Variants in RABEP1 observed in about 807,000 individuals in gnomAD.
RABEP1 encodes rabaptin, RAB GTPase binding effector protein 1, also known as rab GTPase-binding effector protein 1.
RABEP1 carries 51 observed loss-of-function variants against 123.4 expected under a neutral mutation model. The observed-to-expected ratio is 0.41, with a 90% CI of 0.33 to 0.52. The LOEUF (loss-of-function observed/expected upper bound fraction) is 0.52. Ranked by LOEUF, RABEP1 falls within the 20% of genes least tolerant of loss-of-function variation. RABEP1 has a pLI of 0.16. For synonymous variants in RABEP1, 347 were observed against 355.2 expected (o/e 0.98, Z 0.26); for missense variants, 888 against 996.3 (o/e 0.89, Z 1.46).
intron 7 of RABEP1, among the ~76,000 whole-genome samples, chr17:5,351,985 G>A (rs928047981): frequency 2.6e-5 from 4 of 151,890 alleles, no homozygotes; most frequent in African/African-American, 9.7e-5. Flanking sequence ...ATCCTTGACC[G>A]TATTGTGTAT....
At chr17:5,298,154 C>G (rs377650396) in intron 1 of RABEP1, among the ~76,000 whole-genome samples, 5 of 152,262 alleles carry the variant, frequency 3.3e-5, no homozygotes, top group African/African-American at 9.6e-5. Context: ...AAATATAACC[C>G]TGTGTTTTTA....
At chr17:5,361,133 T>C in intron 8 of RABEP1, 75 bp from the exon 9 acceptor site, 1 of 1,269,478 alleles carries the variant, frequency 7.9e-7, no homozygotes, top group South Asian at 1.4e-5. Flanking sequence ...AGTGGCGGAA[T>C]ACATTTATTA....
chr17:5,293,480 G>C (rs2075052289), intron 1 of RABEP1, among the ~76,000 whole-genome samples: 1 of 152,072 alleles, frequency 6.6e-6, no homozygotes, highest in South Asian at 2.1e-4. Context: ...ACCCAGGCTG[G>C]AGTGCAGTGG....
At chr17:5,320,656 T>C (rs1338928976) in intron 2 of RABEP1, among the ~76,000 whole-genome samples, 1 of 152,148 alleles carries the variant, frequency 6.6e-6, no homozygotes, top group Non-Finnish European at 1.5e-5. Flanking sequence ...TGTAGAAGTT[T>C]TTTTCCCACT....
At chr17:5,293,559 A>C (rs1468559252) in intron 1 of RABEP1, among the ~76,000 whole-genome samples, 1 of 152,084 alleles carries the variant, frequency 6.6e-6, no homozygotes, top group African/African-American at 2.4e-5. Flanking sequence ...GGCACATGCC[A>C]CCATGCCTAG....
In RABEP1 at chr17:5,383,389, G is replaced by GCAAA. The variant is rs1248820008; in HGVS notation, c.*169_*172dup. 5 of 619,158 alleles carry GCAAA rather than the reference G, an allele frequency of 8.1e-6. No homozygotes were observed. The East Asian group carries it at 1.1e-4, about 14-fold the overall frequency. 38.4% of individuals were successfully genotyped at this position (619,158 alleles called of 1,614,324 possible). On this transcript the variant is annotated 3_prime_UTR_variant, in exon 18 of 18. Transcript: ENST00000537505. ...AGAAGACTGTGCGGCACAGGAAACA[G>GCAAA]CAAACAGTGGGGTGATCTGCAGCCC... is the stretch of plus-strand genomic sequence containing the variant.
chr17:5,322,494 C>G (rs1037768530), intron 2 of RABEP1, among the ~76,000 whole-genome samples: 1 of 152,140 alleles, frequency 6.6e-6, no homozygotes, highest in African/African-American at 2.4e-5. Flanking sequence ...AAACAATTAG[C>G]CAATCTGATG....
intron 8 of RABEP1, 54 bp downstream of exon 8, chr17:5,354,544 C>T: frequency 6.6e-6 from 10 of 1,505,294 alleles, no homozygotes; most frequent in African/African-American, 1.4e-5. Flanking sequence ...ACAATTTTAG[C>T]TTACTCATAC....
intron 1 of RABEP1, 21 bp downstream of exon 1, chr17:5,282,541 G>A: frequency 8.5e-7 from 1 of 1,178,734 alleles, no homozygotes; most frequent in Non-Finnish European, 1.1e-6. Context: ...CACCATGGCA[G>A]GCGCGGCGGG....
intron 1 of RABEP1, among the ~76,000 whole-genome samples, chr17:5,298,084 G>T (rs891166933): frequency 1.3e-5 from 2 of 152,048 alleles, no homozygotes; most frequent in African/African-American, 4.8e-5. Context: ...CCCTCTCTGT[G>T]TATGACCTTG....
At chr17:5,285,297 CTTTTTTTT>C (rs1177991770) in intron 1 of RABEP1, among the ~76,000 whole-genome samples, 1 of 139,734 alleles carries the variant, frequency 7.2e-6, no homozygotes, top group African/African-American at 2.6e-5. Flanking sequence ...CACTTTTTTT[CTTTTTTTT>C]TTTTTTCTTT....
At chr17:5,299,368 G>C (rs1442022061) in intron 1 of RABEP1, among the ~76,000 whole-genome samples, 2 of 151,038 alleles carry the variant, frequency 1.3e-5, no homozygotes, top group Non-Finnish European at 2.9e-5. Context: ...TGGGTACTAG[G>C]TGTGTAGCAG....
rs1908846708 is a variant in RABEP1, at chr17:5,354,493, A to G, written c.1095+3A>G. 6.3e-7 allele frequency: 1 copy of G among 1,599,894 alleles called. No homozygotes were observed. Among genetic ancestry groups the G allele is most frequent in the South Asian group, 1.1e-5 (1 of 87,852 alleles). ...CAGCCCAGTTATCAAATGAAGAGGT[A>G]TAGTGAGTCTATAATTAAAGTCATT... On this transcript the variant is annotated splice_donor_region_variant and intron_variant, in intron 8 of 17. Transcript: ENST00000537505.
In RABEP1 at chr17:5,386,298, G is replaced by T; in HGVS notation, c.*3075G>T. ...TAAAATTGTAAAGTCACTCACTTTTGGAATTATAATAAACCATTTATATGG... is the reference window on the plus strand; with the variant it reads ...TAAAATTGTAAAGTCACTCACTTTTTGAATTATAATAAACCATTTATATGG... On this transcript the variant is annotated 3_prime_UTR_variant, in exon 18 of 18. Transcript: ENST00000537505. 1 of 1,525,292 alleles carries T rather than the reference G, an allele frequency of 6.6e-7. No homozygotes were observed. Among genetic ancestry groups the T allele is most frequent in the Non-Finnish European group, 9.0e-7 (1 of 1,109,228 alleles). 94.5% of individuals were successfully genotyped at this position (1,525,292 alleles called of 1,614,324 possible). A position where few individuals can be genotyped will look rare whatever the true frequency, so the allele number is the denominator to read the frequency against.
In RABEP1 at chr17:5,354,433, A is replaced by G. The variant is rs1908837907; in HGVS notation, c.1038A>G (p.Ile346Met). The G allele has an allele frequency of 6.2e-7, 1 of 1,613,270 alleles. No individual in the cohort carries two copies. The highest frequency in any genetic ancestry group is 1.3e-5 in the African/African-American group (1 of 74,914). Reference protein sequence around the residue: ...KKADVEEEIKIPVVCALTQEE... With the variant: ...KKADVEEEIKMPVVCALTQEE... ...CAGATGTTGAGGAAGAAATAAAAAT[A>G]CCAGTAGTGTGTGCTTTAACTCAAG... The change falls in exon 8 of 18, where the codon ATA becomes ATG. Residue 346 changes from isoleucine (I) to methionine (M), a missense_variant. Transcript: ENST00000537505.
intron 13 of RABEP1, among the ~76,000 whole-genome samples, chr17:5,375,930 T>C (rs1910956421): frequency 6.6e-6 from 1 of 151,978 alleles, no homozygotes; most frequent in African/African-American, 2.4e-5. Flanking sequence ...TGGAGTGCAG[T>C]GGTGTAATCT....
intron 6 of RABEP1, among the ~76,000 whole-genome samples, chr17:5,347,487 A>G (rs1908167716): frequency 6.6e-6 from 1 of 152,180 alleles, no homozygotes; most frequent in African/African-American, 2.4e-5. Flanking sequence ...GCAGAGAGAT[A>G]ATAAAGCTGG....
chr17:5,365,242 AG>A lies in RABEP1; in HGVS notation c.1785+7del, dbSNP rs1909913963. On this transcript the variant is annotated splice_donor_5th_base_variant and intron_variant, in intron 11 of 17. Transcript: ENST00000537505. ...CAGCGAAGATTCGAGTCACCAGGTA[AG>A]GGAGGGTTTATAGACTGTGGCCCAT... 1 of 1,596,654 alleles carries A rather than the reference AG, an allele frequency of 6.3e-7. No homozygotes were observed. Among genetic ancestry groups the A allele is most frequent in the Admixed American group, 1.8e-5 (1 of 56,828 alleles).
chr17:5,335,042 C>T (rs916187784), intron 3 of RABEP1, 142 bp from the exon 4 acceptor site: 3 of 597,714 alleles, frequency 5.0e-6, no homozygotes, highest in Non-Finnish European at 8.6e-6. Flanking sequence ...AGAACTACAA[C>T]TAGTTTGTCT....
Sources: gnomAD v4.1 joint callset for allele counts (sites outside exome capture counted in the v4.1 genomes callset) on GRCh38, gnomAD v4.1.1 for gene constraint, MANE v1.5 for transcripts, NCBI Gene and HGNC (gene_info 2026-07-23, HGNC 2026-07-21) for gene names.